The following CNTNAP5 variants were observed in gnomAD, a reference collection of about 807,000 sequenced individuals.
The protein encoded by CNTNAP5 is contactin-associated protein-like 5.
CNTNAP5 carries 72 observed loss-of-function variants against 150.2 expected under a neutral mutation model. That is an observed-to-expected ratio of 0.48 (90% confidence interval 0.40 to 0.58). The LOEUF is 0.58. CNTNAP5 is among the 20% of genes least tolerant of loss of function. The pLI is 0.00. For synonymous variants in CNTNAP5, 672 were observed against 619.8 expected, an observed-to-expected ratio of 1.08 and a Z score of -1.25; for missense variants, 1,636 against 1,626.2, an observed-to-expected ratio of 1.01 and a Z score of -0.10.
At chr2:124,082,374 G>T (rs1365016997) in intron 1 of CNTNAP5, among the ~76,000 whole-genome samples, 1 of 136,718 alleles carries the variant, frequency 7.3e-6, no homozygotes, top group Non-Finnish European at 1.6e-5. Flanking sequence ...AAAAAAAAAA[G>T]GACTCATACA....
At chr2:124,841,608 C>T (rs149681448) in intron 19 of CNTNAP5, among the ~76,000 whole-genome samples, 1 of 152,072 alleles carries the variant, frequency 6.6e-6, no homozygotes, top group African/African-American at 2.4e-5. Flanking sequence ...CATTCCTCTT[C>T]ACAGTATTAT....
At chr2:124,537,473 G>A (rs1033527808) in intron 10 of CNTNAP5, among the ~76,000 whole-genome samples, 6 of 152,104 alleles carry the variant, frequency 3.9e-5, no homozygotes, top group African/African-American at 7.2e-5. Context: ...GACGCAGAAC[G>A]AGCTCAGGGC....
At chr2:124,542,383 A>G (rs1259948481) in intron 10 of CNTNAP5, among the ~76,000 whole-genome samples, 1 of 151,558 alleles carries the variant, frequency 6.6e-6, no homozygotes, top group East Asian at 1.9e-4. Context: ...CAGACATCTT[A>G]CAAAGGGAAG....
chr2:124,174,495 T>C (rs1400617401), intron 1 of CNTNAP5, among the ~76,000 whole-genome samples: 1 of 152,144 alleles, frequency 6.6e-6, no homozygotes, highest in African/African-American at 2.4e-5. Flanking sequence ...ATTTGAGAGA[T>C]TCAGCAGAGA....
rs1690180946 is a variant in CNTNAP5, at chr2:124,360,973, C to A, written c.382-56470C>A. On this transcript the variant is annotated intron_variant, in intron 3 of 23. Transcript: ENST00000682447. ...ATCAGATGTAGATTTGGTCTTTTCA[C>A]ATAGTCCCATATTTCTTGGAGGCTT... is the stretch of plus-strand genomic sequence containing the variant. 2.2e-5 allele frequency among the ~76,000 whole-genome samples: 3 copies of A among 138,632 alleles called. No homozygotes were observed. In the Admixed American group the frequency reaches 2.2e-4, roughly 10 times the overall value. 90.9% of individuals were successfully genotyped at this position (138,632 alleles called of 152,430 possible).
chr2:124,631,380 T>C (rs925927718), intron 12 of CNTNAP5, among the ~76,000 whole-genome samples: 1 of 152,242 alleles, frequency 6.6e-6, no homozygotes, highest in Admixed American at 6.5e-5. Flanking sequence ...AACAGGCATA[T>C]AGACCAATGG....
At chr2:124,351,948 T>C (rs1367278336) in intron 3 of CNTNAP5, among the ~76,000 whole-genome samples, 1 of 152,102 alleles carries the variant, frequency 6.6e-6, no homozygotes, top group East Asian at 1.9e-4. Context: ...ACATAAATTA[T>C]GGAGCTGGAA....
At chr2:124,766,800 A>G (rs964539464) in intron 16 of CNTNAP5, among the ~76,000 whole-genome samples, 2 of 152,188 alleles carry the variant, frequency 1.3e-5, no homozygotes, top group African/African-American at 4.8e-5. Context: ...TTACGTATCA[A>G]TGTCCAGTTT....
chr2:124,540,444 C>T (rs1384403406), intron 10 of CNTNAP5, among the ~76,000 whole-genome samples: 2 of 152,176 alleles, frequency 1.3e-5, no homozygotes, highest in African/African-American at 4.8e-5. Flanking sequence ...CTGATGCACA[C>T]TTCTAGGTCC....
At chr2:124,672,832 A>G (rs1283404545) in intron 13 of CNTNAP5, among the ~76,000 whole-genome samples, 1 of 152,208 alleles carries the variant, frequency 6.6e-6, no homozygotes, top group Non-Finnish European at 1.5e-5. Flanking sequence ...TTAAAGAAAT[A>G]TAAATAATTT....
At chr2:124,671,067 G>A (rs939532943) in intron 13 of CNTNAP5, among the ~76,000 whole-genome samples, 48 of 152,078 alleles carry the variant, frequency 3.2e-4, no homozygotes, top group Admixed American at 3.3e-4. Context: ...TCAGCCTGTC[G>A]CCACGGGCCT....
chr2:124,589,441 G>T (rs2104958357), intron 11 of CNTNAP5, among the ~76,000 whole-genome samples: 1 of 152,216 alleles, frequency 6.6e-6, no homozygotes, highest in Non-Finnish European at 1.5e-5. Flanking sequence ...GTAGGCTTTT[G>T]GGTTGTTTCC....
intron 3 of CNTNAP5, among the ~76,000 whole-genome samples, chr2:124,299,244 G>C (rs1039703990): frequency 2.0e-5 from 3 of 152,116 alleles, no homozygotes; most frequent in Admixed American, 1.3e-4. Flanking sequence ...ATTCCTCCCA[G>C]TGCACAGGCT....
intron 11 of CNTNAP5, among the ~76,000 whole-genome samples, chr2:124,581,820 C>T (rs879669106): frequency 8.5e-5 from 13 of 152,238 alleles, no homozygotes; most frequent in African/African-American, 2.6e-4. Flanking sequence ...ATGCACATGA[C>T]GCATCCCCAG....
At chr2:124,475,011 ACGTGACAC>A (rs1693606002) in intron 7 of CNTNAP5, 129 bp downstream of exon 7, 2 of 677,056 alleles carry the variant, frequency 3.0e-6, no homozygotes, top group Non-Finnish European at 4.8e-6. Flanking sequence ...TCAGCGTCTG[ACGTGACAC>A]TGGAGAGAAA....
chr2:124,140,231 C>A (rs1684083529), intron 1 of CNTNAP5, among the ~76,000 whole-genome samples: 2 of 150,624 alleles, frequency 1.3e-5, no homozygotes, highest in South Asian at 4.2e-4. Flanking sequence ...CGCCATTGCC[C>A]AGGCTTGCTT....
chr2:124,394,031 T>A (rs1275522148), intron 3 of CNTNAP5, among the ~76,000 whole-genome samples: 1 of 152,176 alleles, frequency 6.6e-6, no homozygotes, highest in Non-Finnish European at 1.5e-5. Flanking sequence ...TACACATTTC[T>A]AATATTTAAC....
intron 1 of CNTNAP5, among the ~76,000 whole-genome samples, chr2:124,086,228 G>T (rs1320664698): frequency 2.7e-5 from 3 of 110,404 alleles, no homozygotes; most frequent in African/African-American, 3.6e-5. Context: ...ACCGAGTCTT[G>T]CTCTGTCGCC....
At chr2:124,572,586 C>A (rs1696190555) in intron 11 of CNTNAP5, among the ~76,000 whole-genome samples, 1 of 152,016 alleles carries the variant, frequency 6.6e-6, no homozygotes, top group South Asian at 2.1e-4. Context: ...AAAATAAGAA[C>A]CAAAAATAAG....
Sources: allele counts gnomAD v4.1 joint callset (sites outside exome capture counted in the v4.1 genomes callset), GRCh38; gene constraint gnomAD v4.1.1; transcripts MANE v1.5; gene names NCBI Gene and HGNC (gene_info 2026-07-23, HGNC 2026-07-21).